LDHC: variants seen among roughly 807,000 people sequenced by gnomAD.
LDHC encodes the protein L-lactate dehydrogenase C chain.
A neutral mutation model predicts 30.2 loss-of-function variants in LDHC; 20 were observed. That is an observed-to-expected ratio of 0.66 (90% CI 0.47 to 0.96). LDHC has a LOEUF of 0.96. Among genes scored for constraint, LDHC ranks in the 40% least tolerant of loss-of-function variants. LDHC has a pLI of 0.00. For missense variants in LDHC, 362 were observed against 394.9 expected (o/e 0.92, Z 0.71); for synonymous variants, 139 against 132.7 (o/e 1.05, Z -0.32).
At chr11:18,445,641 C>T (rs1198528457) in intron 6 of LDHC, among the ~76,000 whole-genome samples, 1 of 152,020 alleles carries the variant, frequency 6.6e-6, no homozygotes, top group Non-Finnish European at 1.5e-5. Flanking sequence ...AGTATTCTGC[C>T]TTTATGATTT....
chr11:18,429,922 C>G lies in LDHC; in HGVS notation c.418+12C>G, dbSNP rs76803222. On this transcript the variant is annotated intron_variant, in intron 4 of 7. Coordinates refer to ENST00000541669, the MANE Select transcript of LDHC (RefSeq NM_017448.5). The stretch of plus-strand genomic sequence containing the variant: ...TGTTTCAAATCCAGGTGAGTCTTCT[C>G]TCTTCCATTCTATTGCATAAGGATG... The G allele has an allele frequency of 4.0e-5, 61 of 1,526,172 alleles. No individual in the cohort carries two copies. The East Asian group carries it at 1.4e-3, about 34-fold the overall frequency. 94.5% of individuals were successfully genotyped at this position (1,526,172 alleles called of 1,614,324 possible). A position where few individuals can be genotyped will look rare whatever the true frequency, so the allele number is the denominator to read the frequency against.
intron 3 of LDHC, among the ~76,000 whole-genome samples, chr11:18,418,758 T>C (rs73436638): frequency 0.15 from 23,270 of 152,148 alleles, 2,008 homozygotes; most frequent in African/African-American, 0.23. Context: ...CATATTCAAC[T>C]TTCAATTTCT....
rs930127707 is a variant in LDHC at position 18,429,911 on chromosome 11, G to A, written c.418+1G>A. ...AAAATTCTTGTTGTTTCAAATCCAG[G>A]TGAGTCTTCTCTCTTCCATTCTATT... On this transcript the variant is annotated splice_donor_variant, in intron 4 of 7. Transcript: ENST00000541669. LOFTEE classifies it high-confidence loss of function. 9 of 1,583,208 alleles carry A rather than the reference G, an allele frequency of 5.7e-6. No individual in the cohort carries two copies. The highest frequency in any genetic ancestry group is 5.4e-5 in the African/African-American group (4 of 74,312).
chr11:18,427,721 A>T (rs1465810122), intron 3 of LDHC, among the ~76,000 whole-genome samples: 1 of 147,940 alleles, frequency 6.8e-6, no homozygotes, highest in Non-Finnish European at 1.5e-5. Context: ...TCTGTCACTC[A>T]GGCCGGAATG....
intron 5 of LDHC, among the ~76,000 whole-genome samples, chr11:18,436,132 C>T (rs149696484): frequency 2.6e-5 from 4 of 152,162 alleles, no homozygotes; most frequent in Non-Finnish European, 5.9e-5. Context: ...AATATTTCTT[C>T]AGCCAGAGCC....
chr11:18,447,505 A>G (rs1360838944), intron 7 of LDHC, among the ~76,000 whole-genome samples: 1 of 152,178 alleles, frequency 6.6e-6, no homozygotes, highest in Admixed American at 6.5e-5. Context: ...AGAAGGTTTC[A>G]TAAGTGAAAA....
At chr11:18,439,625 T>G (rs114964057) in intron 6 of LDHC, among the ~76,000 whole-genome samples, 1 of 146,996 alleles carries the variant, frequency 6.8e-6, no homozygotes, top group African/African-American at 2.5e-5. Flanking sequence ...GCTTGGAATA[T>G]TGAACTTAAC....
intron 5 of LDHC, among the ~76,000 whole-genome samples, chr11:18,435,777 G>T (rs183703514): frequency 1.3e-5 from 2 of 152,082 alleles, no homozygotes; most frequent in South Asian, 2.1e-4. Flanking sequence ...CCCTACCCTA[G>T]CCCCAGGCAA....
chr11:18,430,030 A>G (rs1848237005), intron 4 of LDHC, 120 bp downstream of exon 4: 2 of 578,416 alleles, frequency 3.5e-6, no homozygotes, highest in Non-Finnish European at 6.0e-6. Context: ...TTTAAAGTAT[A>G]TAACGCGATG....
intron 4 of LDHC, among the ~76,000 whole-genome samples, chr11:18,432,628 T>C (rs928286253): frequency 1.3e-5 from 2 of 152,218 alleles, no homozygotes; most frequent in Non-Finnish European, 2.9e-5. Context: ...AAATGTTTTA[T>C]AAATTTGGGA....
intron 6 of LDHC, among the ~76,000 whole-genome samples, chr11:18,444,604 G>GTATATATATATATATATATATATA (rs60764598): frequency 1.1e-5 from 1 of 89,308 alleles, no homozygotes; most frequent in Non-Finnish European, 2.5e-5. Flanking sequence ...TGTTCAGGTG[G>GTATATATATATATATATATATATA]TATATATATA....
intron 5 of LDHC, 144 bp from the exon 6 acceptor site, chr11:18,438,384 C>T (rs1369473631): frequency 1.0e-5 from 6 of 593,876 alleles, no homozygotes; most frequent in South Asian, 6.0e-5. Flanking sequence ...CCAACACTAG[C>T]GGTTACATTT....
chr11:18,448,026 G>A (rs930031537), intron 7 of LDHC, among the ~76,000 whole-genome samples: 7 of 143,176 alleles, frequency 4.9e-5, no homozygotes, highest in African/African-American at 7.8e-5. Context: ...TCCAGCCTGG[G>A]CAACAGAATG....
At chr11:18,449,247 G>C (rs1190929122) in intron 7 of LDHC, among the ~76,000 whole-genome samples, 2 of 151,420 alleles carry the variant, frequency 1.3e-5, no homozygotes, top group Non-Finnish European at 2.9e-5. Flanking sequence ...GACCAACCTG[G>C]GCAACATAAC....
chr11:18,439,830 A>AC (rs1163589038), intron 6 of LDHC, among the ~76,000 whole-genome samples: 122 of 115,786 alleles, frequency 1.1e-3, no homozygotes, highest in African/African-American at 2.6e-3. Flanking sequence ...AAAAAAAAAA[A>AC]AAAAAACAAA....
At chr11:18,412,991 C>T (rs1008029343) in intron 2 of LDHC, 148 bp downstream of exon 2, 4 of 297,216 alleles carry the variant, frequency 1.3e-5, no homozygotes, top group Admixed American at 1.1e-4. Context: ...CCCTCCCTTC[C>T]TTCCTTCCTT....
At chr11:18,449,935 A>C (rs1471735331) in intron 7 of LDHC, among the ~76,000 whole-genome samples, 2 of 152,096 alleles carry the variant, frequency 1.3e-5, no homozygotes, top group Non-Finnish European at 2.9e-5. Flanking sequence ...GTCCTGGAGA[A>C]GAACAATGCC....
Position 18,451,952 on chromosome 11 carries a change from C to T in LDHC, c.*825C>T, listed in dbSNP as rs1406279959. ...CAGACTCAAAAGAAGAAGAAGAACA[C>T]AGAAGAAAAGCAGAAACAAGAAGAA... On this transcript the variant is annotated 3_prime_UTR_variant, in exon 8 of 8. Coordinates refer to ENST00000541669, the MANE Select transcript of LDHC (RefSeq NM_017448.5). The T allele has an allele frequency of 1.4e-5, 2 of 147,992 alleles. No individual in the cohort carries two copies. Among genetic ancestry groups the T allele is most frequent in the Admixed American group, 6.7e-5 (1 of 14,866 alleles). 9.2% of individuals were successfully genotyped at this position (147,992 alleles called of 1,614,324 possible). A position where few individuals can be genotyped will look rare whatever the true frequency, so the allele number is the denominator to read the frequency against.
intron 2 of LDHC, among the ~76,000 whole-genome samples, chr11:18,414,467 T>G (rs1167428168): frequency 6.6e-6 from 1 of 152,124 alleles, no homozygotes; most frequent in African/African-American, 2.4e-5. Flanking sequence ...ACCTTCCTGT[T>G]TGGGCCATAA....
Sources: allele counts gnomAD v4.1 joint callset (sites outside exome capture counted in the v4.1 genomes callset), GRCh38; gene constraint gnomAD v4.1.1; transcripts MANE v1.5; gene names NCBI Gene and HGNC (gene_info 2026-07-23, HGNC 2026-07-21).